Variants in CDKN2B-AS1 observed in about 807,000 individuals in gnomAD.
The protein encoded by CDKN2B-AS1 is CDKN2B and CDKN2A antisense cis and trans regulatory RNA 1.
Position 22,006,282 on chromosome 9 carries a change from G to A in CDKN2B-AS1, n.29+11121G>A, listed in dbSNP as rs775688678. ...AGAGCAGAGTGGTCAGAGCCAGGGT[G>A]GGGGCAGGTATGGGAGATGCCGGCC... On this transcript the variant is annotated intron_variant and non_coding_transcript_variant, in intron 1 of 4. Transcript: ENST00000650946. The surrounding 1 kb of genome is among the most constrained non-coding windows in gnomAD (Gnocchi z 6.4). The A allele has an allele frequency of 6.3e-7, 1 of 1,599,900 alleles. No homozygotes were observed. Among genetic ancestry groups the A allele is most frequent in the Non-Finnish European group, 8.5e-7 (1 of 1,179,740 alleles).
chr9:22,096,875 G>T (rs768770647), intron 4 of CDKN2B-AS1, among the ~76,000 whole-genome samples: 2 of 152,010 alleles, frequency 1.3e-5, no homozygotes, highest in Admixed American at 1.3e-4. Flanking sequence ...GCTTGCCTTC[G>T]TAACCCTCCC....
At chr9:22,016,938 C>G (rs1413389875) in intron 1 of CDKN2B-AS1, among the ~76,000 whole-genome samples, 3 of 152,186 alleles carry the variant, frequency 2.0e-5, no homozygotes, top group Admixed American at 2.0e-4. Context: ...CAAGCTCTAT[C>G]TTTGGCCAGT....
intron 4 of CDKN2B-AS1, among the ~76,000 whole-genome samples, chr9:22,100,421 T>C (rs1480825418): frequency 1.3e-5 from 2 of 152,234 alleles, no homozygotes; most frequent in African/African-American, 4.8e-5. Context: ...GGTGGTGTTC[T>C]GTGTCTAGCT....
intron 4 of CDKN2B-AS1, among the ~76,000 whole-genome samples, chr9:22,087,049 A>G (rs1824890051): frequency 6.6e-6 from 1 of 152,206 alleles, no homozygotes; most frequent in African/African-American, 2.4e-5. Flanking sequence ...TAGTCACATG[A>G]TCTTCTTTAG....
chr9:22,071,285 C>CTTTTTTTTTTTTTT (rs71336509), intron 4 of CDKN2B-AS1, among the ~76,000 whole-genome samples: 8 of 67,580 alleles, frequency 1.2e-4, no homozygotes, highest in African/African-American at 5.6e-4. Context: ...AAATATCTAG[C>CTTTTTTTTTTTTTT]TTTTTTTTTT....
At chr9:22,077,730 T>C (rs1187318709) in intron 4 of CDKN2B-AS1, 7 of 152,338 alleles carry the variant, frequency 4.6e-5, no homozygotes, top group Admixed American at 3.3e-4. Context: ...AAAAGGACAT[T>C]GGACAAAAAC....
intron 1 of CDKN2B-AS1, chr9:22,004,602 A>G (rs896641853): frequency 8.6e-6 from 2 of 232,470 alleles, no homozygotes; most frequent in Non-Finnish European, 1.7e-5. Context: ...GTAGTGAAGT[A>G]TCAGTTGTTC....
intron 1 of CDKN2B-AS1, among the ~76,000 whole-genome samples, chr9:22,007,282 C>T (rs1480858439): frequency 1.3e-5 from 2 of 152,098 alleles, no homozygotes; most frequent in African/African-American, 4.8e-5. Flanking sequence ...GAATCGCTTG[C>T]ATCCTGGAAG....
chr9:22,048,941 A>G (rs570235812), intron 2 of CDKN2B-AS1, among the ~76,000 whole-genome samples: 1 of 152,324 alleles, frequency 6.6e-6, no homozygotes, highest in African/African-American at 2.4e-5. Flanking sequence ...TAATCCATGT[A>G]AGAGGTATAG....
At chr9:22,099,469 A>G (rs527663735) in intron 4 of CDKN2B-AS1, among the ~76,000 whole-genome samples, 2 of 152,292 alleles carry the variant, frequency 1.3e-5, no homozygotes, top group East Asian at 1.9e-4. Flanking sequence ...TTCTAATTAC[A>G]TATTTTCTTG....
chr9:22,114,788 A>G lies in CDKN2B-AS1; in HGVS notation n.439-12315A>G, dbSNP rs184799477. Among the ~76,000 whole-genome samples, 16 of 152,332 alleles carry G rather than the reference A, an allele frequency of 1.1e-4. No individual in the cohort carries two copies. In the East Asian group the frequency reaches 2.7e-3, roughly 26 times the overall value. On this transcript the variant is annotated intron_variant and non_coding_transcript_variant, in intron 4 of 4. Transcript: ENST00000650946. ...AGCTGTCATAATTACTATCAGAGCA[A>G]ACAATTTTTTGTGTGTGAATTCATG...
chr9:22,126,122 A>G (rs892237550), intron 4 of CDKN2B-AS1, among the ~76,000 whole-genome samples: 4 of 152,162 alleles, frequency 2.6e-5, no homozygotes, highest in Non-Finnish European at 5.9e-5. Context: ...CAACAACATC[A>G]ACAGTTGATT....
rs532881045 is a variant in CDKN2B-AS1, at chr9:22,032,749, C to T, written n.30-14002C>T. On this transcript the variant is annotated intron_variant and non_coding_transcript_variant, in intron 1 of 4. Transcript: ENST00000650946. ...GAAGATGATTTTTCCTGCAGGGATT[C>T]CCTCTACAAAATTAAAAACACTGGG... 4 of 151,908 alleles carry T rather than the reference C, an allele frequency of 2.6e-5. No individual in the cohort carries two copies. The South Asian group carries it at 8.3e-4, about 32-fold the overall frequency. 9.4% of individuals were successfully genotyped at this position (151,908 alleles called of 1,614,324 possible). A position where few individuals can be genotyped will look rare whatever the true frequency, so the allele number is the denominator to read the frequency against.
intron 1 of CDKN2B-AS1, among the ~76,000 whole-genome samples, chr9:22,042,330 C>A (rs954158224): frequency 5.9e-5 from 9 of 152,078 alleles, no homozygotes; most frequent in African/African-American, 2.2e-4. Context: ...TAGACATTTT[C>A]TGCCTTCAAG....
chr9:22,031,676 T>A (rs1822478758), intron 1 of CDKN2B-AS1, among the ~76,000 whole-genome samples: 1 of 152,182 alleles, frequency 6.6e-6, no homozygotes, highest in African/African-American at 2.4e-5. Flanking sequence ...GATCACCAAG[T>A]TGCGGTAGGT....
At chr9:22,125,188 A>T (rs1817997492) in intron 4 of CDKN2B-AS1, among the ~76,000 whole-genome samples, 2 of 152,232 alleles carry the variant, frequency 1.3e-5, no homozygotes, top group Non-Finnish European at 1.5e-5. Context: ...CTATCAGGAA[A>T]ATCAAATCAA....
At chr9:22,018,223 C>T (rs1385079884) in intron 1 of CDKN2B-AS1, among the ~76,000 whole-genome samples, 1 of 151,498 alleles carries the variant, frequency 6.6e-6, no homozygotes, top group African/African-American at 2.4e-5. Flanking sequence ...ACCAGGGAGG[C>T]TGAGGCAGGA....
chr9:22,080,540 G>T (rs1824657935), intron 4 of CDKN2B-AS1, among the ~76,000 whole-genome samples: 1 of 152,206 alleles, frequency 6.6e-6, no homozygotes, highest in Admixed American at 6.5e-5. Context: ...TTCTAGTGAA[G>T]CCCATCAGGG....
chr9:22,002,564 G>T (rs1820972249), intron 1 of CDKN2B-AS1, among the ~76,000 whole-genome samples: 1 of 152,012 alleles, frequency 6.6e-6, no homozygotes, highest in Non-Finnish European at 1.5e-5. Flanking sequence ...CAGTGTAAGT[G>T]TAAATGAAAT....
Sources: gnomAD v4.1 joint callset for allele counts (sites outside exome capture counted in the v4.1 genomes callset) on GRCh38, gnomAD v4.1.1 for gene constraint, Gnocchi (gnomAD v3.1) non-coding constraint, MANE v1.5 for transcripts, NCBI Gene and HGNC (gene_info 2026-07-23, HGNC 2026-07-21) for gene names.